ARHGEF38: variants seen among roughly 807,000 people sequenced by gnomAD.
ARHGEF38 encodes Rho guanine nucleotide exchange factor 38, also known as Rho guanine nucleotide exchange factor (GEF) 38.
Under a neutral mutation model 79.9 loss-of-function variants are expected in ARHGEF38, and 79 were observed. That is an observed-to-expected ratio of 0.99 (90% CI 0.82 to 1.19). The LOEUF (loss-of-function observed/expected upper bound fraction) is 1.19. ARHGEF38 is among the 50% of genes most tolerant of loss of function. The probability of loss-of-function intolerance (pLI) is 0.00; values close to 1 mark genes in which losing one functional copy is unlikely to be tolerated. For synonymous variants in ARHGEF38, 366 were observed against 328.3 expected, an observed-to-expected ratio of 1.11 and a Z score of -1.24; for missense variants, 962 against 907.2, an observed-to-expected ratio of 1.06 and a Z score of -0.78.
rs527974711 is a variant in ARHGEF38 at position 105,674,593 on chromosome 4, G to T, written c.2149-3159G>T. Among the ~76,000 whole-genome samples the T allele has an allele frequency of 1.1e-4, 16 of 152,054 alleles. No individual in the cohort carries two copies. In the South Asian group the frequency reaches 3.3e-3, roughly 32 times the overall value. ...AAAAAGAGACTGAAAATAGACTGCT[G>T]TCTCTTTAAAAGCAGCTTACTTCCA... On this transcript the variant is annotated intron_variant, in intron 13 of 13. Transcript: ENST00000420470.
At chr4:105,648,477 A>G in intron 6 of ARHGEF38, 72 bp from the exon 7 acceptor site, 1 of 1,341,940 alleles carries the variant, frequency 7.5e-7, no homozygotes, top group Admixed American at 3.0e-5. Context: ...ACTCGTCTTG[A>G]AAACTTTGGG....
Position 105,680,208 on chromosome 4 carries a change from C to T in ARHGEF38, c.*2271C>T, listed in dbSNP as rs766962840. ...CCTTTCTTTTAGTGTTTTCCCTTTT[C>T]TTTTCCTTAAGTCACTAAAATCTGT... On this transcript the variant is annotated 3_prime_UTR_variant, in exon 14 of 14. Coordinates refer to ENST00000420470, the MANE Select transcript of ARHGEF38 (RefSeq NM_001242729.2). The T allele has an allele frequency of 2.1e-6, 1 of 474,544 alleles. No individual in the cohort carries two copies. Among genetic ancestry groups the T allele is most frequent in the Non-Finnish European group, 3.9e-6 (1 of 254,876 alleles). 29.4% of individuals were successfully genotyped at this position (474,544 alleles called of 1,614,324 possible).
chr4:105,600,877 A>G (rs1481840810), intron 2 of ARHGEF38, among the ~76,000 whole-genome samples: 2 of 152,188 alleles, frequency 1.3e-5, no homozygotes, highest in African/African-American at 2.4e-5. Context: ...CAGATCGATC[A>G]GCAAATTCTT....
chr4:105,559,918 ACTTCT>A (rs1156322677), intron 1 of ARHGEF38, among the ~76,000 whole-genome samples: 2 of 152,168 alleles, frequency 1.3e-5, no homozygotes, highest in African/African-American at 4.8e-5. Flanking sequence ...CTGAATCCCA[ACTTCT>A]CTTCTGTTCA....
chr4:105,668,025 A>G (rs1042091222), intron 13 of ARHGEF38, among the ~76,000 whole-genome samples: 2 of 152,158 alleles, frequency 1.3e-5, no homozygotes, highest in East Asian at 3.8e-4. Flanking sequence ...CCTCCATCAA[A>G]GAAAAGTAGT....
intron 2 of ARHGEF38, among the ~76,000 whole-genome samples, chr4:105,612,701 A>T (rs1178751748): frequency 6.6e-6 from 1 of 152,150 alleles, no homozygotes. Flanking sequence ...CCTATAACAC[A>T]GTCTGGATTC....
In ARHGEF38 at chr4:105,577,617, G is replaced by T. The variant is rs545761550; in HGVS notation, c.197-11631G>T. ...ACTTCTCCCATCTCGCTGCTTATCG[G>T]TCTAATCAGGGTTCCTATTTCTTCC... On this transcript the variant is annotated intron_variant, in intron 1 of 13. Coordinates refer to ENST00000420470, the MANE Select transcript of ARHGEF38 (RefSeq NM_001242729.2). 2.0e-4 allele frequency among the ~76,000 whole-genome samples: 31 copies of T among 152,036 alleles called. No homozygotes were observed. The South Asian group carries it at 6.0e-3, about 30-fold the overall frequency.
intron 2 of ARHGEF38, among the ~76,000 whole-genome samples, chr4:105,597,132 G>A (rs1428480211): frequency 1.3e-5 from 2 of 152,058 alleles, no homozygotes; most frequent in African/African-American, 4.8e-5. Context: ...CAGAATTACT[G>A]TTACAGTAGC....
Position 105,659,223 on chromosome 4 carries a change from C to A in ARHGEF38, c.1403C>A (p.Ala468Asp). The A allele has an allele frequency of 2.6e-6, 4 of 1,536,104 alleles. No individual in the cohort carries two copies. Among genetic ancestry groups the A allele is most frequent in the Non-Finnish European group, 3.5e-6 (4 of 1,146,878 alleles). ...ESDLAKKEYE[A>D]LNAQLVEELQ... ...GACTTGGCCAAAAAGGAGTATGAGG[C>A]CCTCAACGCCCAGCTTGTGGAGGAG... Residue 468 changes from alanine (A) to aspartate (D), a missense_variant, in exon 10 of 14, where the codon GCC (alanine) becomes GAC (aspartate). Transcript: ENST00000420470.
Position 105,613,474 on chromosome 4 carries a change from A to G in ARHGEF38, c.475A>G (p.Thr159Ala). ...GCTGCTGTCATTGTTGGAAGAGGCC[A>G]CAACAGACGTGGAACCGGCCATGCA... ...AKLLSLLEEA[T>A]TDVEPAMQVI... Residue 159 changes from threonine to alanine, a missense_variant, in exon 3 of 14, where the codon ACA becomes GCA. Thr to Ala is a moderately conservative substitution (Grantham distance 58). Transcript: ENST00000420470. The G allele has an allele frequency of 1.9e-6, 3 of 1,613,300 alleles. No individual in the cohort carries two copies. The highest frequency in any genetic ancestry group is 1.1e-5 in the South Asian group (1 of 90,978).
intron 2 of ARHGEF38, among the ~76,000 whole-genome samples, chr4:105,603,859 G>A (rs1240543695): frequency 6.6e-6 from 1 of 152,174 alleles, no homozygotes; most frequent in Non-Finnish European, 1.5e-5. Flanking sequence ...CTTTGAAACA[G>A]TTCACTGAAC....
At chr4:105,585,977 C>T (rs1015553732) in intron 1 of ARHGEF38, among the ~76,000 whole-genome samples, 3 of 151,932 alleles carry the variant, frequency 2.0e-5, no homozygotes, top group Non-Finnish European at 4.4e-5. Context: ...GTGATCCACC[C>T]ACCTCGGCCT....
At chr4:105,650,192 A>G (rs1417327878) in intron 7 of ARHGEF38, among the ~76,000 whole-genome samples, 1 of 152,162 alleles carries the variant, frequency 6.6e-6, no homozygotes. Flanking sequence ...TCCTTCATAC[A>G]TGGTGTATTA....
intron 10 of ARHGEF38, among the ~76,000 whole-genome samples, chr4:105,665,461 C>A (rs999632293): frequency 1.3e-5 from 2 of 151,898 alleles, no homozygotes; most frequent in Non-Finnish European, 2.9e-5. Flanking sequence ...CGTGCCTCTG[C>A]ACTCCAGCCT....
chr4:105,645,408 T>A (rs958336764), intron 6 of ARHGEF38, 21 bp downstream of exon 6: 10 of 1,488,368 alleles, frequency 6.7e-6, no homozygotes, highest in Non-Finnish European at 8.0e-6. Flanking sequence ...ACATGATGAA[T>A]TGGTTGTTTT....
intron 2 of ARHGEF38, among the ~76,000 whole-genome samples, chr4:105,612,943 A>T (rs1728357050): frequency 6.6e-6 from 1 of 152,138 alleles, no homozygotes; most frequent in Admixed American, 6.6e-5. Context: ...GCAACCCAGC[A>T]CATCTACTTA....
At chr4:105,646,263 A>G (rs1329517216) in intron 6 of ARHGEF38, among the ~76,000 whole-genome samples, 2 of 152,152 alleles carry the variant, frequency 1.3e-5, no homozygotes, top group African/African-American at 4.8e-5. Context: ...GAGTAAGAAA[A>G]CTCCGTGAAC....
intron 3 of ARHGEF38, among the ~76,000 whole-genome samples, chr4:105,615,665 G>A (rs1728483450): frequency 6.6e-6 from 1 of 152,096 alleles, no homozygotes; most frequent in Non-Finnish European, 1.5e-5. Context: ...CATCAGAAGA[G>A]GTTTTATAAG....
chr4:105,574,991 TACACACATACACACACATATATAC>T (rs1726421597), intron 1 of ARHGEF38, among the ~76,000 whole-genome samples: 1 of 93,684 alleles, frequency 1.1e-5, no homozygotes, highest in East Asian at 3.8e-4. Flanking sequence ...TATATATATG[TACACACATACACACACATATATAC>T]ACACACACAC....
Sources: gnomAD v4.1 joint callset for allele counts (sites outside exome capture counted in the v4.1 genomes callset) on GRCh38, gnomAD v4.1.1 for gene constraint, MANE v1.5 for transcripts, NCBI Gene and HGNC (gene_info 2026-07-23, HGNC 2026-07-21) for gene names.